Variants in ADGRB3 observed in about 807,000 individuals in gnomAD.
ADGRB3 encodes brain-specific angiogenesis inhibitor 3.
In ADGRB3, 37 loss-of-function variants were observed where a neutral mutation model predicts 193.4. The ratio of observed to expected loss-of-function variants is 0.19; its 90% confidence interval spans 0.15 to 0.25. The LOEUF (loss-of-function observed/expected upper bound fraction) is 0.25, where lower values mean the gene tolerates loss of function less well. ADGRB3 is among the 10% of genes least tolerant of loss of function. The pLI is 1.00. For missense variants in ADGRB3, 1,637 were observed against 1,852.9 expected, an observed-to-expected ratio of 0.88 and a Z score of 2.14; for synonymous variants, 690 against 644.2, an observed-to-expected ratio of 1.07 and a Z score of -1.08.
At chr6:68,796,274 T>G (rs534740135) in intron 3 of ADGRB3, among the ~76,000 whole-genome samples, 1 of 152,246 alleles carries the variant, frequency 6.6e-6, no homozygotes, top group East Asian at 1.9e-4. Context: ...AACATATTTT[T>G]TTATATACTG....
chr6:68,710,571 G>T (rs1438394272), intron 3 of ADGRB3, among the ~76,000 whole-genome samples: 1 of 152,120 alleles, frequency 6.6e-6, no homozygotes, highest in Non-Finnish European at 1.5e-5. Flanking sequence ...TCTAGTTTAA[G>T]ACAGACCCTT....
intron 13 of ADGRB3, among the ~76,000 whole-genome samples, chr6:69,025,209 G>A (rs1000018802): frequency 1.3e-5 from 2 of 152,152 alleles, no homozygotes; most frequent in African/African-American, 4.8e-5. Context: ...GAAAAATGGT[G>A]TGATACAATG....
intron 16 of ADGRB3, among the ~76,000 whole-genome samples, chr6:69,065,597 T>C (rs1363682026): frequency 6.6e-6 from 1 of 152,056 alleles, no homozygotes; most frequent in African/African-American, 2.4e-5. Context: ...TTATTACCAG[T>C]CTTATAAAGA....
At chr6:68,805,084 T>C (rs13192244) in intron 3 of ADGRB3, among the ~76,000 whole-genome samples, 15,368 of 152,066 alleles carry the variant, frequency 0.1, 921 homozygotes, top group Middle Eastern at 0.15. Context: ...TGCACCATCA[T>C]ACCCGGCTAT....
intron 13 of ADGRB3, among the ~76,000 whole-genome samples, chr6:69,043,162 C>T (rs1002996133): frequency 6.0e-5 from 9 of 150,816 alleles, no homozygotes; most frequent in Non-Finnish European, 1.0e-4. Flanking sequence ...TCTTGTGTTC[C>T]CAAATAAGGC....
chr6:69,295,346 T>A (rs939093762), intron 20 of ADGRB3, among the ~76,000 whole-genome samples: 7 of 152,150 alleles, frequency 4.6e-5, no homozygotes, highest in African/African-American at 1.4e-4. Flanking sequence ...CTATGGCTGG[T>A]GGAACTGAAT....
chr6:69,268,783 T>G (rs1767106490), intron 20 of ADGRB3, among the ~76,000 whole-genome samples: 1 of 152,138 alleles, frequency 6.6e-6, no homozygotes, highest in Non-Finnish European at 1.5e-5. Context: ...TTATCACTAC[T>G]TTCCCTGTGT....
At chr6:69,187,608 A>G (rs980932031) in intron 17 of ADGRB3, among the ~76,000 whole-genome samples, 1 of 152,218 alleles carries the variant, frequency 6.6e-6, no homozygotes, top group Non-Finnish European at 1.5e-5. Context: ...TGAAGTTGTT[A>G]CGCAGTAGGT....
intron 3 of ADGRB3, among the ~76,000 whole-genome samples, chr6:68,810,964 TA>T (rs1014854765): frequency 1.3e-5 from 2 of 152,136 alleles, no homozygotes; most frequent in Non-Finnish European, 2.9e-5. Flanking sequence ...TAAAGTGATA[TA>T]AAAACTCATC....
intron 20 of ADGRB3, among the ~76,000 whole-genome samples, chr6:69,261,581 T>G (rs2127273648): frequency 6.6e-6 from 1 of 152,166 alleles, no homozygotes; most frequent in South Asian, 2.1e-4. Flanking sequence ...TCAAAAACAT[T>G]ATAAAATAAG....
At chr6:69,086,972 C>T (rs140471507) in intron 17 of ADGRB3, among the ~76,000 whole-genome samples, 5 of 152,156 alleles carry the variant, frequency 3.3e-5, no homozygotes, top group Middle Eastern at 3.4e-3. Flanking sequence ...TTGTTAGAAA[C>T]GTAATTGTAA....
At chr6:69,177,054 G>A (rs2150349905) in intron 17 of ADGRB3, among the ~76,000 whole-genome samples, 1 of 152,208 alleles carries the variant, frequency 6.6e-6, no homozygotes, top group Non-Finnish European at 1.5e-5. Flanking sequence ...TGTCGATCTT[G>A]TTTATCCTGT....
intron 3 of ADGRB3, among the ~76,000 whole-genome samples, chr6:68,662,626 CA>C (rs1768692591): frequency 6.6e-6 from 1 of 151,348 alleles, no homozygotes; most frequent in Admixed American, 6.6e-5. Context: ...TGTCCGTACA[CA>C]AAAGTGATAA....
intron 17 of ADGRB3, among the ~76,000 whole-genome samples, chr6:69,183,266 A>G (rs1420076728): frequency 6.6e-6 from 1 of 152,158 alleles, no homozygotes; most frequent in African/African-American, 2.4e-5. Context: ...GAAGCCTTCA[A>G]ATGAAATGGT....
intron 6 of ADGRB3, among the ~76,000 whole-genome samples, chr6:68,949,777 C>A (rs1767867280): frequency 6.6e-6 from 1 of 151,970 alleles, no homozygotes; most frequent in Non-Finnish European, 1.5e-5. Context: ...GGGCATTATT[C>A]CAGTGCTTTT....
intron 3 of ADGRB3, among the ~76,000 whole-genome samples, chr6:68,815,638 T>TGTGTGTGGGTGTGGGTGG (rs146536913): frequency 6.7e-6 from 1 of 149,408 alleles, no homozygotes; most frequent in Admixed American, 6.7e-5. Flanking sequence ...TGTGTGTGTG[T>TGTGTGTGGGTGTGGGTGG]GTGCATGTAG....
At chr6:69,071,601 G>A (rs1307604619) in intron 16 of ADGRB3, among the ~76,000 whole-genome samples, 1 of 152,154 alleles carries the variant, frequency 6.6e-6, no homozygotes, top group Non-Finnish European at 1.5e-5. Flanking sequence ...TTTGAATGGA[G>A]CCAAGAGTGG....
intron 5 of ADGRB3, among the ~76,000 whole-genome samples, chr6:68,937,270 T>C (rs558395488): frequency 6.6e-6 from 1 of 152,264 alleles, no homozygotes; most frequent in South Asian, 2.1e-4. Flanking sequence ...AAATGAAGCA[T>C]AACAATAGCA....
intron 3 of ADGRB3, among the ~76,000 whole-genome samples, chr6:68,731,981 G>A (rs923472306): frequency 2.6e-5 from 4 of 151,594 alleles, no homozygotes; most frequent in Non-Finnish European, 4.4e-5. Flanking sequence ...AAAGGGTAAA[G>A]AAATGTGCAG....
Sources: allele counts gnomAD v4.1 joint callset (sites outside exome capture counted in the v4.1 genomes callset), GRCh38; gene constraint gnomAD v4.1.1; transcripts MANE v1.5; gene names NCBI Gene and HGNC (gene_info 2026-07-23, HGNC 2026-07-21).